The following GALNT18 variants were observed in gnomAD, a reference collection of about 807,000 sequenced individuals.
GALNT18 encodes polypeptide N-acetylgalactosaminyltransferase 18.
In GALNT18, 44 loss-of-function variants were observed where a neutral mutation model predicts 69.5. That is an observed-to-expected ratio of 0.63 (90% CI 0.50 to 0.81). The LOEUF is 0.81. Ranked by LOEUF, GALNT18 falls within the 40% of genes least tolerant of loss-of-function variation. The pLI, the probability that GALNT18 is intolerant of heterozygous loss-of-function variation, is 0.00. For missense variants in GALNT18, 715 were observed against 810.0 expected (o/e 0.88, Z 1.42); for synonymous variants, 364 against 318.2 (o/e 1.14, Z -1.53).
intron 3 of GALNT18, among the ~76,000 whole-genome samples, chr11:11,388,958 A>G (rs536125945): frequency 6.6e-6 from 1 of 152,172 alleles, no homozygotes; most frequent in Non-Finnish European, 1.5e-5. Flanking sequence ...CCATAATGCT[A>G]CTCAAGGTAG....
At position 11,606,766 on chromosome 11, in the gene GALNT18, A is replaced by G. The variant is rs972221519; in HGVS notation, c.235+14593T>C. 6.6e-6 allele frequency among the ~76,000 whole-genome samples: 1 copy of G among 152,156 alleles called. No individual in the cohort carries two copies. The highest frequency in any genetic ancestry group is 2.4e-5 in the African/African-American group (1 of 41,440). On this transcript the variant is annotated intron_variant, in intron 1 of 10. Transcript: ENST00000227756. The surrounding 1 kb of genome is among the most constrained non-coding windows in gnomAD (Gnocchi z 5.4). ...GTTTCTCCTGAAGTTGAGGGAAGTA[A>G]CTGGATGTAGAGGAAAATTGTCTAG...
At chr11:11,482,208 G>C (rs773411289) in intron 1 of GALNT18, among the ~76,000 whole-genome samples, 1 of 152,222 alleles carries the variant, frequency 6.6e-6, no homozygotes, top group Non-Finnish European at 1.5e-5. Flanking sequence ...TTCAGCTCCA[G>C]CCTGTCTGCT....
chr11:11,434,329 T>C (rs12363821), intron 2 of GALNT18, among the ~76,000 whole-genome samples: 12,562 of 152,232 alleles, frequency 0.083, 571 homozygotes, highest in South Asian at 0.16. Context: ...GGTGTAGAAT[T>C]CCTTTGTTCT....
rs143230046 is a variant in GALNT18 at position 11,274,047 on chromosome 11, G to A, written c.1678-2757C>T. 1.4e-3 allele frequency among the ~76,000 whole-genome samples: 218 copies of A among 152,246 alleles called. 2 individuals carry two copies. The highest frequency in any genetic ancestry group is 0.01 in the Middle Eastern group (3 of 294). ...GCCCACGGAGGACAAGCTGAAGCAG[G>A]GTGGGTTATCGCCTCACCTGGGAAG... On this transcript the variant is annotated intron_variant, in intron 10 of 10. Coordinates refer to ENST00000227756, the MANE Select transcript of GALNT18 (RefSeq NM_198516.3).
Position 11,497,327 on chromosome 11 carries a change from A to ACACACACACACACACACAC in GALNT18, c.236-48392_236-48391insGTGTGTGTGTGTGTGTGTG. Among the ~76,000 whole-genome samples the ACACACACACACACACACAC allele has an allele frequency of 7.6e-6, 1 of 132,230 alleles. No homozygotes were observed. Among genetic ancestry groups the ACACACACACACACACACAC allele is most frequent in the Non-Finnish European group, 1.6e-5 (1 of 63,204 alleles). 86.7% of individuals were successfully genotyped at this position (132,230 alleles called of 152,430 possible). On this transcript the variant is annotated intron_variant, in intron 1 of 10. Coordinates refer to ENST00000227756, the MANE Select transcript of GALNT18 (RefSeq NM_198516.3). This position sits in a 1 kb window ranked among gnomAD's most constrained non-coding sequence, Gnocchi z 4.2. ...TATTTATGTTTTACCTCCTGTCTCC[A>ACACACACACACACACACAC]ACACACACACACACACACACACACA...
chr11:11,321,673 G>A (rs1427486942), intron 9 of GALNT18, among the ~76,000 whole-genome samples: 7 of 152,234 alleles, frequency 4.6e-5, no homozygotes, highest in African/African-American at 7.2e-5. Context: ...CGCAGTCTCA[G>A]CTCACTGCAA....
intron 1 of GALNT18, among the ~76,000 whole-genome samples, chr11:11,502,722 C>T (rs188440492): frequency 6.6e-6 from 1 of 152,280 alleles, no homozygotes; most frequent in African/African-American, 2.4e-5. Flanking sequence ...ATTTGGCAGC[C>T]GCAGACTTTG....
chr11:11,320,892 A>G lies in GALNT18; in HGVS notation c.1512+6194T>C, dbSNP rs1849829756. On this transcript the variant is annotated intron_variant, in intron 9 of 10. Transcript: ENST00000227756. This position sits in a 1 kb window ranked among gnomAD's most constrained non-coding sequence, Gnocchi z 4.9. ...TGTGTGTAATCTGAGGCTGGTCCCA[A>G]ACCTCCCTACACAGCACTGCTAGTT... Among the ~76,000 whole-genome samples, 1 of 151,988 alleles carries G rather than the reference A, an allele frequency of 6.6e-6. No homozygotes were observed.
At chr11:11,520,961 C>T (rs887061730) in intron 1 of GALNT18, among the ~76,000 whole-genome samples, 1 of 152,064 alleles carries the variant, frequency 6.6e-6, no homozygotes, top group Non-Finnish European at 1.5e-5. Flanking sequence ...CCGTAGGGAG[C>T]CTTAGAGCCC....
intron 1 of GALNT18, among the ~76,000 whole-genome samples, chr11:11,529,507 G>A (rs7937348): frequency 0.98 from 148,937 of 152,222 alleles, 72,919 homozygotes; most frequent in Non-Finnish European, 1. Context: ...CCTTATTCTC[G>A]GGTCTTCAGA....
At chr11:11,486,028 G>A (rs1285427898) in intron 1 of GALNT18, among the ~76,000 whole-genome samples, 1 of 152,206 alleles carries the variant, frequency 6.6e-6, no homozygotes, top group African/African-American at 2.4e-5. Context: ...TGGTTGGTGG[G>A]GAGATGGACA....
At position 11,563,523 on chromosome 11, in the gene GALNT18, T is replaced by C. The variant is rs1409774951; in HGVS notation, c.235+57836A>G. 6.6e-6 allele frequency among the ~76,000 whole-genome samples: 1 copy of C among 152,238 alleles called. No homozygotes were observed. The highest frequency in any genetic ancestry group is 1.5e-5 in the Non-Finnish European group (1 of 68,046). On this transcript the variant is annotated intron_variant, in intron 1 of 10. Coordinates refer to ENST00000227756, the MANE Select transcript of GALNT18 (RefSeq NM_198516.3). This position sits in a 1 kb window ranked among gnomAD's most constrained non-coding sequence, Gnocchi z 4.6. ...CTGAAAAAGGATTTAAATGCTCACA[T>C]TTAACTGACATTCACAGTGTCTTCT... is the stretch of plus-strand genomic sequence containing the variant.
chr11:11,448,597 G>A (rs1251337772), intron 2 of GALNT18, 147 bp downstream of exon 2: 10 of 569,924 alleles, frequency 1.8e-5, no homozygotes, highest in Admixed American at 3.8e-5. Flanking sequence ...GTGACTTGCT[G>A]AACGCAAGCC....
chr11:11,618,839 T>C lies in GALNT18; in HGVS notation c.235+2520A>G, dbSNP rs1187648196. Among the ~76,000 whole-genome samples, 1 of 152,210 alleles carries C rather than the reference T, an allele frequency of 6.6e-6. No individual in the cohort carries two copies. The highest frequency in any genetic ancestry group is 1.5e-5 in the Non-Finnish European group (1 of 68,036). On this transcript the variant is annotated intron_variant, in intron 1 of 10. Coordinates refer to ENST00000227756, the MANE Select transcript of GALNT18 (RefSeq NM_198516.3). The surrounding 1 kb of genome is among the most constrained non-coding windows in gnomAD (Gnocchi z 6.1). ...TATGTTATTTTAGCTCTTATTATTA[T>C]TACCGCTTATTCCCTCCAGTTCAGC...
At chr11:11,384,730 C>T (rs1339873960) in intron 3 of GALNT18, among the ~76,000 whole-genome samples, 1 of 152,148 alleles carries the variant, frequency 6.6e-6, no homozygotes, top group Non-Finnish European at 1.5e-5. Flanking sequence ...AGGACCCAAC[C>T]ATGCTGGCGC....
At chr11:11,547,416 T>A (rs1450935401) in intron 1 of GALNT18, among the ~76,000 whole-genome samples, 1 of 152,230 alleles carries the variant, frequency 6.6e-6, no homozygotes, top group Non-Finnish European at 1.5e-5. Flanking sequence ...ATAAGGCCTG[T>A]GGGACCAGGC....
In GALNT18 at chr11:11,621,780, G is replaced by T. The variant is rs1258047303; in HGVS notation, c.-187C>A. The T allele has an allele frequency of 6.7e-6, 4 of 597,112 alleles. No homozygotes were observed. Among genetic ancestry groups the T allele is most frequent in the Non-Finnish European group, 1.2e-5 (4 of 336,178 alleles). The allele number at this position is 597,112 out of a possible 1,614,324, so 37.0% of individuals were successfully genotyped here. A position where few individuals can be genotyped will look rare whatever the true frequency, so the allele number is the denominator to read the frequency against. On this transcript the variant is annotated 5_prime_UTR_variant, in exon 1 of 11. Coordinates refer to ENST00000227756, the MANE Select transcript of GALNT18 (RefSeq NM_198516.3). The surrounding 1 kb of genome is among the most constrained non-coding windows in gnomAD (Gnocchi z 9.3). Reference sequence around the variant, plus strand: ...CGTGCCCAAGTTTGCAGCTCCTGCCGCTGGCCACCCGGAGAGACCTTGACA... The same window carrying T: ...CGTGCCCAAGTTTGCAGCTCCTGCCTCTGGCCACCCGGAGAGACCTTGACA...
chr11:11,333,345 T>A (rs1481199329), intron 7 of GALNT18, among the ~76,000 whole-genome samples: 1 of 152,116 alleles, frequency 6.6e-6, no homozygotes, highest in Non-Finnish European at 1.5e-5. Context: ...AGACATGCAA[T>A]ATATATATTT....
intron 9 of GALNT18, among the ~76,000 whole-genome samples, chr11:11,297,774 A>G (rs11826783): frequency 6.6e-6 from 1 of 152,126 alleles, no homozygotes; most frequent in South Asian, 2.1e-4. Context: ...ATCCCCGCCC[A>G]CTCAGCTCCT....
Sources: gnomAD v4.1 joint callset for allele counts (sites outside exome capture counted in the v4.1 genomes callset) on GRCh38, gnomAD v4.1.1 for gene constraint, Gnocchi (gnomAD v3.1) non-coding constraint, MANE v1.5 for transcripts, NCBI Gene and HGNC (gene_info 2026-07-23, HGNC 2026-07-21) for gene names.